MCM3AP: variants seen among roughly 807,000 people sequenced by gnomAD.
The protein encoded by MCM3AP is minichromosome maintenance complex component 3 associated protein, also known as germinal-center associated nuclear protein.
MCM3AP carries 126 observed loss-of-function variants against 184.1 expected under a neutral mutation model. That is an observed-to-expected ratio of 0.68 (90% CI 0.59 to 0.79). The LOEUF (loss-of-function observed/expected upper bound fraction) is 0.79. Among genes scored for constraint, MCM3AP ranks in the 30% least tolerant of loss-of-function variants. The pLI is 0.00. For missense variants in MCM3AP, 2,496 were observed against 2,479.2 expected, an observed-to-expected ratio of 1.01 and a Z score of -0.14; for synonymous variants, 1,002 against 979.3, an observed-to-expected ratio of 1.02 and a Z score of -0.43.
chr21:46,264,157 C>A lies in MCM3AP; in HGVS notation c.3295G>T (p.Val1099Phe). The change falls in exon 13 of 28, where the codon GTT becomes TTT. Residue 1099 changes from valine (V) to phenylalanine (F), a missense_variant. Transcript: ENST00000291688. ...GCGTAGGCAGCACCCGCAGAGCCAACTTCCTCACAGTCCCTCTGCAGGGCC... is the reference window on the plus strand; with the variant it reads ...GCGTAGGCAGCACCCGCAGAGCCAAATTCCTCACAGTCCCTCTGCAGGGCC... The part of the protein sequence containing the change: ...QEALQRDCEE[V>F]GSAGAAYAAA... 6.2e-7 allele frequency: 1 copy of A among 1,614,026 alleles called. No individual in the cohort carries two copies. The highest frequency in any genetic ancestry group is 8.5e-7 in the Non-Finnish European group (1 of 1,179,982).
intron 3 of MCM3AP, 105 bp downstream of exon 3, chr21:46,280,392 G>T: frequency 2.2e-6 from 2 of 916,174 alleles, no homozygotes; most frequent in Non-Finnish European, 3.4e-6. Flanking sequence ...AATGGCTCAT[G>T]CCTGTAATCC....
chr21:46,283,351 T>G (rs1362838237), intron 2 of MCM3AP, among the ~76,000 whole-genome samples: 2 of 152,214 alleles, frequency 1.3e-5, no homozygotes, highest in Non-Finnish European at 2.9e-5. Context: ...TCAGAAGAAT[T>G]TCTGAATTTC....
chr21:46,280,634 A>G, intron 2 of MCM3AP, 59 bp from the exon 3 acceptor site: 1 of 1,190,368 alleles, frequency 8.4e-7, no homozygotes, highest in Non-Finnish European at 1.2e-6. Flanking sequence ...AGGAAATGGG[A>G]TTGAAAACTC....
intron 20 of MCM3AP, 168 bp downstream of exon 20, chr21:46,251,361 A>T (rs1401031197): frequency 6.1e-6 from 3 of 492,748 alleles, no homozygotes; most frequent in Non-Finnish European, 6.8e-6. Flanking sequence ...TGGCTTAAAA[A>T]AATTTTTTAA....
rs1311391571 is a variant in MCM3AP at position 46,265,303 on chromosome 21, G to A, written c.3234+18C>T. On this transcript the variant is annotated intron_variant, in intron 12 of 27. Coordinates refer to ENST00000291688, the MANE Select transcript of MCM3AP (RefSeq NM_003906.5). ...ATGGGCTTCCCAGAGTCCAGACCTA[G>A]AAAAAAAGAGTCCCTACCTCGTCAG... is the stretch of plus-strand genomic sequence containing the variant. The A allele has an allele frequency of 1.9e-6, 3 of 1,612,136 alleles. No individual in the cohort carries two copies. Among genetic ancestry groups the A allele is most frequent in the East Asian group, 2.2e-5 (1 of 44,884 alleles).
At position 46,262,963 on chromosome 21, in the gene MCM3AP, C is replaced by T. The variant is rs1419923323; in HGVS notation, c.3335+1154G>A. On this transcript the variant is annotated intron_variant, in intron 13 of 27. Transcript: ENST00000291688. ...AGCCTGGGCGACAGGGAGACTCCGT[C>T]TCAAAAAAAAAAAAAAAAAAAAAAA... Among the ~76,000 whole-genome samples, 240 of 68,456 alleles carry T rather than the reference C, an allele frequency of 3.5e-3. 1 individual carries two copies. The highest frequency in any genetic ancestry group is 0.013 in the African/African-American group (235 of 17,438). 44.9% of individuals were successfully genotyped at this position (68,456 alleles called of 152,430 possible).
chr21:46,270,317 A>G, intron 9 of MCM3AP, 84 bp downstream of exon 9: 1 of 1,366,176 alleles, frequency 7.3e-7, no homozygotes, highest in Non-Finnish European at 1.0e-6. Context: ...ACCTCCTTTG[A>G]AAAGCTTGGA....
In MCM3AP at chr21:46,273,594, A is replaced by G. The variant is rs1489148846; in HGVS notation, c.1999-9T>C. The stretch of plus-strand genomic sequence containing the variant: ...GCTGCTGCGTGGTCCACCTAGAGAC[A>G]TGAAGCCGAGACAGGATGCCCATGT... On this transcript the variant is annotated splice_polypyrimidine_tract_variant and intron_variant, in intron 6 of 27. Coordinates refer to ENST00000291688, the MANE Select transcript of MCM3AP (RefSeq NM_003906.5). 3 of 1,612,644 alleles carry G rather than the reference A, an allele frequency of 1.9e-6. No individual in the cohort carries two copies. The highest frequency in any genetic ancestry group is 1.1e-5 in the South Asian group (1 of 91,002).
At chr21:46,276,938 G>A (rs148635171) in intron 5 of MCM3AP, among the ~76,000 whole-genome samples, 3,136 of 150,900 alleles carry the variant, frequency 0.021, 64 homozygotes, top group Admixed American at 0.067. Flanking sequence ...TTGTAGAGAT[G>A]GGGGTTTTGC....
Position 46,283,824 on chromosome 21 carries a change from T to C in MCM3AP, c.1234A>G (p.Thr412Ala). 1.9e-6 allele frequency: 3 copies of C among 1,613,012 alleles called. No homozygotes were observed. The highest frequency in any genetic ancestry group is 1.1e-5 in the South Asian group (1 of 91,028). ...CTTCTGTTACTCTGACGCGCCGGAG[T>C]TCCTCTTAGAGAATCTAGGGGTTCA... ...REKKEDSLRG[T>A]PARQSNRSES... The change falls in exon 2 of 28, where the codon ACT becomes GCT. Residue 412 changes from threonine to alanine, a missense_variant. Thr to Ala is a moderately conservative substitution (Grantham distance 58). Coordinates refer to ENST00000291688, the MANE Select transcript of MCM3AP (RefSeq NM_003906.5).
intron 9 of MCM3AP, among the ~76,000 whole-genome samples, chr21:46,269,785 A>G (rs1168526752): frequency 1.3e-5 from 2 of 152,222 alleles, no homozygotes; most frequent in African/African-American, 2.4e-5. Flanking sequence ...TCCTGGTCAC[A>G]TTGCACTGAA....
chr21:46,261,472 C>G, intron 13 of MCM3AP, 61 bp from the exon 14 acceptor site: 3 of 1,515,292 alleles, frequency 2.0e-6, no homozygotes, highest in Non-Finnish European at 2.7e-6. Context: ...CGGTGGCTCA[C>G]GCCTGTAATC....
At chr21:46,270,629 A>C (rs963338656) in intron 8 of MCM3AP, 66 bp from the exon 9 acceptor site, 1 of 1,329,086 alleles carries the variant, frequency 7.5e-7, no homozygotes, top group Non-Finnish European at 1.0e-6. Context: ...TTTCATGAAG[A>C]TAGATCTGAT....
At chr21:46,275,817 A>G (rs908008001) in intron 5 of MCM3AP, among the ~76,000 whole-genome samples, 14 of 152,252 alleles carry the variant, frequency 9.2e-5, no homozygotes, top group African/African-American at 3.1e-4. Flanking sequence ...TAATATAAGA[A>G]TCATATAATG....
chr21:46,279,347 T>A (rs945891129), intron 4 of MCM3AP, among the ~76,000 whole-genome samples: 3 of 152,226 alleles, frequency 2.0e-5, no homozygotes, highest in African/African-American at 7.2e-5. Context: ...AAAAAGTTAT[T>A]GCTTATACAT....
intron 5 of MCM3AP, 98 bp downstream of exon 5, chr21:46,277,429 G>T: frequency 1.1e-6 from 1 of 901,102 alleles, no homozygotes; most frequent in Non-Finnish European, 1.6e-6. Context: ...AGACTCAACA[G>T]CAATAGAGCC....
chr21:46,268,802 G>A (rs2081144338), intron 9 of MCM3AP, among the ~76,000 whole-genome samples: 1 of 152,188 alleles, frequency 6.6e-6, no homozygotes, highest in Admixed American at 6.5e-5. Flanking sequence ...CCAGCACTTT[G>A]GGAGGCCGAG....
At chr21:46,246,170 A>C in intron 22 of MCM3AP, 137 bp downstream of exon 22, 1 of 625,750 alleles carries the variant, frequency 1.6e-6, no homozygotes, top group Admixed American at 2.5e-5. Flanking sequence ...TCATCATGCC[A>C]CTATACTGGG....
At chr21:46,263,684 G>A (rs1447460415) in intron 13 of MCM3AP, among the ~76,000 whole-genome samples, 1 of 144,550 alleles carries the variant, frequency 6.9e-6, no homozygotes, top group East Asian at 2.2e-4. Context: ...GGAAGCTGAG[G>A]CAGAAGAATT....
Sources: gnomAD v4.1 joint callset for allele counts (sites outside exome capture counted in the v4.1 genomes callset) on GRCh38, gnomAD v4.1.1 for gene constraint, MANE v1.5 for transcripts, NCBI Gene and HGNC (gene_info 2026-07-23, HGNC 2026-07-21) for gene names.